The following GPC3 variants were observed in gnomAD, a reference collection of about 807,000 sequenced individuals.
GPC3 encodes the protein glypican-3.
GPC3 carries 3 observed loss-of-function variants against 34.4 expected under a neutral mutation model. That is an observed-to-expected ratio of 0.09 (90% CI 0.04 to 0.23). GPC3 has a LOEUF of 0.23. Ranked by LOEUF, GPC3 falls within the 10% of genes least tolerant of loss-of-function variation. The probability of loss-of-function intolerance (pLI) is 1.00; values close to 1 mark genes in which losing one functional copy is unlikely to be tolerated. For synonymous variants in GPC3, 177 were observed against 174.0 expected (o/e 1.02, Z -0.13); for missense variants, 351 against 445.6 (o/e 0.79, Z 1.91).
Position 133,565,180 on chromosome X carries a change from G to T in GPC3, c.1574-28887C>A, listed in dbSNP as rs181305036. On this transcript the variant is annotated intron_variant, in intron 7 of 7. Coordinates refer to ENST00000370818, the MANE Select transcript of GPC3 (RefSeq NM_004484.4). Reference sequence around the variant, plus strand: ...TGTATGGGAGGTGCTAGGCAAAGATGCAGAAACTGTTGCATCTTTAATACC... The same window carrying T: ...TGTATGGGAGGTGCTAGGCAAAGATTCAGAAACTGTTGCATCTTTAATACC... 2.9e-3 allele frequency among the ~76,000 whole-genome samples: 328 copies of T among 111,939 alleles called. 1 individual carries two copies. Among genetic ancestry groups the T allele is most frequent in the African/African-American group, 0.01 (311 of 30,826 alleles).
At chrX:133,759,675 A>G (rs1486287856) in intron 2 of GPC3, among the ~76,000 whole-genome samples, 1 of 112,156 alleles carries the variant, frequency 8.9e-6, no homozygotes, top group Non-Finnish European at 1.9e-5. Context: ...GTAAAGTGGG[A>G]GTTCTTGGTG....
chrX:133,774,575 C>A (rs900557513), intron 2 of GPC3, among the ~76,000 whole-genome samples: 1 of 110,990 alleles, frequency 9.0e-6, no homozygotes, highest in Non-Finnish European at 1.9e-5. Context: ...AAATATATCT[C>A]TATAAATAGG....
rs7878791 is a variant in GPC3 at position 133,813,191 on chromosome X, C to G, written c.338-59015G>C. ...CCTTCTTGGCACAGCAAGTGCCTACCTATTCTGGCCCCTAACACTAGGCCT... is the reference window on the plus strand; with the variant it reads ...CCTTCTTGGCACAGCAAGTGCCTACGTATTCTGGCCCCTAACACTAGGCCT... On this transcript the variant is annotated intron_variant, in intron 2 of 7. Coordinates refer to ENST00000370818, the MANE Select transcript of GPC3 (RefSeq NM_004484.4). Among the ~76,000 whole-genome samples the G allele has an allele frequency of 9.4e-3, 1,057 of 112,678 alleles. 12 individuals are homozygous for G. Among genetic ancestry groups the G allele is most frequent in the African/African-American group, 0.032 (1,004 of 31,052 alleles).
intron 2 of GPC3, among the ~76,000 whole-genome samples, chrX:133,838,546 G>C (rs1012538022): frequency 8.9e-6 from 1 of 112,494 alleles, no homozygotes; most frequent in African/African-American, 3.2e-5. Flanking sequence ...AAAAAGATCT[G>C]CAGGGTATCA....
chrX:133,864,687 T>C (rs904592509), intron 2 of GPC3, among the ~76,000 whole-genome samples: 1 of 112,795 alleles, frequency 8.9e-6, no homozygotes, highest in East Asian at 2.8e-4. Context: ...AAAGTTGTGG[T>C]GAAAATTTAT....
chrX:133,619,466 A>G (rs924920407), intron 6 of GPC3, among the ~76,000 whole-genome samples: 2 of 112,296 alleles, frequency 1.8e-5, no homozygotes, highest in African/African-American at 6.5e-5. Context: ...GATAAACATA[A>G]TATATTGTTT....
chrX:133,778,660 A>C (rs2072013487), intron 2 of GPC3, among the ~76,000 whole-genome samples: 2 of 111,980 alleles, frequency 1.8e-5, no homozygotes, highest in Non-Finnish European at 3.8e-5. Flanking sequence ...AGATTTAGTT[A>C]AACATGATAG....
intron 6 of GPC3, among the ~76,000 whole-genome samples, chrX:133,614,371 C>T (rs2070138890): frequency 9.0e-6 from 1 of 110,804 alleles, no homozygotes; most frequent in Non-Finnish European, 1.9e-5. Flanking sequence ...AGAAGAGATT[C>T]ATCATGTACA....
intron 2 of GPC3, among the ~76,000 whole-genome samples, chrX:133,942,458 T>C (rs1275053756): frequency 1.8e-5 from 2 of 111,918 alleles, no homozygotes; most frequent in African/African-American, 3.2e-5. Context: ...CTAGATACTA[T>C]ATTTATATTG....
At chrX:133,862,451 C>T (rs1411828600) in intron 2 of GPC3, among the ~76,000 whole-genome samples, 1 of 105,135 alleles carries the variant, frequency 9.5e-6, no homozygotes, top group African/African-American at 3.5e-5. Flanking sequence ...GAGGCCAAGG[C>T]GGGCAGATCA....
At chrX:133,623,663 T>A (rs1180975272) in intron 6 of GPC3, among the ~76,000 whole-genome samples, 2 of 111,539 alleles carry the variant, frequency 1.8e-5, no homozygotes, top group Non-Finnish European at 3.8e-5. Flanking sequence ...ATAAAGCAAG[T>A]CCTTAGAGAC....
intron 2 of GPC3, among the ~76,000 whole-genome samples, chrX:133,778,689 C>T (rs2072013804): frequency 9.0e-6 from 1 of 111,472 alleles, no homozygotes; most frequent in Non-Finnish European, 1.9e-5. Flanking sequence ...ATGCAAGAGA[C>T]ACTCAACTGG....
intron 2 of GPC3, among the ~76,000 whole-genome samples, chrX:133,862,948 T>C (rs1194140990): frequency 8.9e-6 from 1 of 112,725 alleles, no homozygotes; most frequent in Non-Finnish European, 1.9e-5. Context: ...GTAGAAGCCG[T>C]TGCTCACACA....
At chrX:133,885,454 C>T (rs1407820988) in intron 2 of GPC3, among the ~76,000 whole-genome samples, 3 of 111,624 alleles carry the variant, frequency 2.7e-5, no homozygotes, top group African/African-American at 9.8e-5. Context: ...CTCCCCAACT[C>T]AAGGCCTCAT....
chrX:133,723,225 C>A (rs1174105037), intron 3 of GPC3, among the ~76,000 whole-genome samples: 1 of 111,353 alleles, frequency 9.0e-6, no homozygotes, highest in Admixed American at 9.6e-5. Flanking sequence ...GACTCACAGA[C>A]ACATGGACAT....
At chrX:133,759,388 G>A (rs1432325249) in intron 2 of GPC3, among the ~76,000 whole-genome samples, 1 of 111,794 alleles carries the variant, frequency 8.9e-6, no homozygotes, top group Non-Finnish European at 1.9e-5. Flanking sequence ...AATAAAGACA[G>A]CTTGGTATTG....
intron 2 of GPC3, among the ~76,000 whole-genome samples, chrX:133,946,672 C>T (rs1569457988): frequency 9.0e-6 from 1 of 110,728 alleles, no homozygotes; most frequent in Non-Finnish European, 1.9e-5. Flanking sequence ...GGCATGAAAC[C>T]CAGGGGTGCA....
intron 2 of GPC3, among the ~76,000 whole-genome samples, chrX:133,890,498 C>T (rs965060501): frequency 4.5e-5 from 5 of 110,007 alleles, no homozygotes; most frequent in Non-Finnish European, 9.5e-5. Context: ...CAGGAGGATC[C>T]CTTGAGCCTA....
intron 6 of GPC3, among the ~76,000 whole-genome samples, chrX:133,658,897 C>T (rs2070693144): frequency 9.0e-6 from 1 of 111,341 alleles, no homozygotes; most frequent in Non-Finnish European, 1.9e-5. Flanking sequence ...AAGAAGGAGA[C>T]AATATGGGAG....
Sources: gnomAD v4.1 joint callset for allele counts (sites outside exome capture counted in the v4.1 genomes callset) on GRCh38, gnomAD v4.1.1 for gene constraint, MANE v1.5 for transcripts, NCBI Gene and HGNC (gene_info 2026-07-23, HGNC 2026-07-21) for gene names.